The following PRSS22 variants were observed in gnomAD, a reference collection of about 807,000 sequenced individuals.
PRSS22 encodes the protein brain-specific serine protease 4.
In PRSS22, 26 loss-of-function variants were observed where a neutral mutation model predicts 28.0. The observed-to-expected ratio is 0.93, with a 90% confidence interval of 0.68 to 1.29. PRSS22 has a LOEUF of 1.29. Ranked by LOEUF, PRSS22 falls within the 50% of genes most tolerant of loss-of-function variation. The pLI, the probability that PRSS22 is intolerant of heterozygous loss-of-function variation, is 0.00. For missense variants in PRSS22, 444 were observed against 422.1 expected, an observed-to-expected ratio of 1.05 and a Z score of -0.46; for synonymous variants, 217 against 177.9, an observed-to-expected ratio of 1.22 and a Z score of -1.75.
chr16:2,854,347 C>G (rs528619019), intron 4 of PRSS22: 13 of 253,172 alleles, frequency 5.1e-5, no homozygotes, highest in African/African-American at 2.8e-4. Flanking sequence ...AAGAAGTGTT[C>G]AATAAATGTC....
At chr16:2,857,881 G>A (rs757868411) in intron 1 of PRSS22, 142 bp downstream of exon 1, 4 of 549,734 alleles carry the variant, frequency 7.3e-6, no homozygotes, top group Non-Finnish European at 1.1e-5. Context: ...GAGGCACAGA[G>A]CAGTTAAGGA....
chr16:2,856,128 G>C lies in PRSS22; in HGVS notation c.235C>G (p.Leu79Val). 2 of 1,614,006 alleles carry C rather than the reference G, an allele frequency of 1.2e-6. No homozygotes were observed. The highest frequency in any genetic ancestry group is 1.7e-6 in the Non-Finnish European group (2 of 1,179,988). Residue 79 changes from leucine (L) to valine (V), a missense_variant, in exon 3 of 6, where the codon CTG (leucine) becomes GTG (valine). Physicochemically the swap from Leu to Val is conservative, Grantham distance 32. Transcript: ENST00000161006. ...KNGTHHCAGS[L>V]LTSRWVITAA... ...GTGATCACCCAGCGGCTGGTGAGCAGAGAACCTGCGCAGTGGTGGGTCCCA... is the reference window on the plus strand; with the variant it reads ...GTGATCACCCAGCGGCTGGTGAGCACAGAACCTGCGCAGTGGTGGGTCCCA...
Position 2,856,826 on chromosome 16 carries a change from T to G in PRSS22, c.105A>C (p.Ile35=). 6.4e-7 allele frequency: 1 copy of G among 1,551,970 alleles called. No homozygotes were observed. The highest frequency in any genetic ancestry group is 8.7e-7 in the Non-Finnish European group (1 of 1,147,136). Reference sequence around the variant, plus strand: ...AGAGCTGCCAGCTCCACTCACCAGGTATCCTGGCCGCATTGAGGATGGCTG... The same window carrying G: ...AGAGCTGCCAGCTCCACTCACCAGGGATCCTGGCCGCATTGAGGATGGCTG... The part of the protein sequence containing the change: ...ASTAILNAAR[I]PVPPACGKPQ... Residue 35 remains isoleucine (I), a synonymous_variant, in exon 2 of 6, where the codon ATA becomes ATC. Coordinates refer to ENST00000161006, the MANE Select transcript of PRSS22 (RefSeq NM_022119.4).
rs1285948646 is a variant in PRSS22, at chr16:2,853,169, T to C, written c.878A>G (p.Gln293Arg). 6.3e-7 allele frequency: 1 copy of C among 1,599,148 alleles called. No individual in the cohort carries two copies. The highest frequency in any genetic ancestry group is 1.7e-5 in the Admixed American group (1 of 59,976). The change falls in exon 6 of 6, where the codon CAG becomes CGG. Residue 293 changes from glutamine (Q) to arginine (R), a missense_variant. By Grantham distance (43) the Gln-to-Arg change is conservative. Transcript: ENST00000161006. This position sits in a 1 kb window ranked among gnomAD's most constrained non-coding sequence, Gnocchi z 4.6. ...ACCCCCCTGAGCGCGCCCGCGGAGC[T>C]GCACCCCTTGCACGATCTTCTCCAC... ...SWVEKIVQGV[Q>R]LRGRAQGGGA...
intron 4 of PRSS22, chr16:2,854,446 T>C (rs1196533763): frequency 5.7e-6 from 1 of 174,806 alleles, no homozygotes. Context: ...GATTGTGGAC[T>C]GAAAGTCCGC....
Position 2,855,679 on chromosome 16 carries a change from G to A in PRSS22, c.454C>T (p.Gln152Ter). The A allele has an allele frequency of 6.2e-7, 1 of 1,614,216 alleles. No homozygotes were observed. Among genetic ancestry groups the A allele is most frequent in the Non-Finnish European group, 8.5e-7 (1 of 1,180,048 alleles). ...IALVRLERSI[Q>*]FSERVLPICL... is the part of the protein sequence containing the mutation. ...ATGGGCAGGACCCGCTCTGAGAACT[G>A]TATGGAGCGCTCGAGACGCACCAGG... The change falls in exon 4 of 6, where the codon CAG (glutamine) becomes TAG (stop). Residue 152 changes from glutamine (Q) to a stop codon, truncating the protein, a stop_gained. Transcript: ENST00000161006. LOFTEE classifies it high-confidence loss of function.
In PRSS22 at chr16:2,853,761, G is replaced by C; in HGVS notation, c.717+104C>G. On this transcript the variant is annotated intron_variant, in intron 5 of 5. Transcript: ENST00000161006. This position sits in a 1 kb window ranked among gnomAD's most constrained non-coding sequence, Gnocchi z 4.6. ...GACTGTCAGGCACAGCCAGTTCTGG[G>C]GAGGAGGCCAGGGAGAGGTTGTGGG... 7.5e-7 allele frequency: 1 copy of C among 1,325,794 alleles called. No individual in the cohort carries two copies. The highest frequency in any genetic ancestry group is 2.4e-5 in the East Asian group (1 of 42,012). 82.1% of individuals were successfully genotyped at this position (1,325,794 alleles called of 1,614,324 possible). A position where few individuals can be genotyped will look rare whatever the true frequency, so the allele number is the denominator to read the frequency against.
In PRSS22 at chr16:2,853,071, G is replaced by A. The variant is rs1596325049; in HGVS notation, c.*22C>T. The A allele has an allele frequency of 6.7e-7, 1 of 1,490,646 alleles. No homozygotes were observed. Among genetic ancestry groups the A allele is most frequent in the East Asian group, 2.3e-5 (1 of 42,866 alleles). The allele number at this position is 1,490,646 out of a possible 1,614,324, so 92.3% of individuals were successfully genotyped here. A position where few individuals can be genotyped will look rare whatever the true frequency, so the allele number is the denominator to read the frequency against. On this transcript the variant is annotated 3_prime_UTR_variant, in exon 6 of 6. Coordinates refer to ENST00000161006, the MANE Select transcript of PRSS22 (RefSeq NM_022119.4). The surrounding 1 kb of genome is among the most constrained non-coding windows in gnomAD (Gnocchi z 4.6). The stretch of plus-strand genomic sequence containing the variant: ...GTGGATCTGGCCGCCTTTCAGATCC[G>A]AGCCCCGCGTCCCGCTGCGCCCTAG...
At chr16:2,855,539 T>G in intron 4 of PRSS22, 35 bp downstream of exon 4, 1 of 1,611,428 alleles carries the variant, frequency 6.2e-7, no homozygotes, top group Non-Finnish European at 8.5e-7. Context: ...TGTCCCCATC[T>G]GCCCCCAACC....
Position 2,856,231 on chromosome 16 carries a change from G to C in PRSS22, c.132C>G (p.Pro44=), listed in dbSNP as rs149331401. ...RIPVPPACGK[P]QQLNRVVGGE... is the part of the protein sequence containing the mutation. ...CGCCCACAACCCGGTTCAGCTGCTG[G>C]GGCTTCCCACAGGCTGGGGGAACTG... The change falls in exon 3 of 6, where the codon CCC becomes CCG. Residue 44 remains proline (P), a synonymous_variant. Coordinates refer to ENST00000161006, the MANE Select transcript of PRSS22 (RefSeq NM_022119.4). 36 of 1,613,378 alleles carry C rather than the reference G, an allele frequency of 2.2e-5. No individual in the cohort carries two copies. In the African/African-American group the frequency reaches 4.4e-4, roughly 20 times the overall value.
rs2069455316 is a variant in PRSS22 at position 2,856,232 on chromosome 16, G to A, written c.131C>T (p.Pro44Leu). The A allele has an allele frequency of 1.2e-6, 2 of 1,613,346 alleles. No homozygotes were observed. The highest frequency in any genetic ancestry group is 1.7e-6 in the Non-Finnish European group (2 of 1,179,882). Residue 44 changes from proline to leucine, a missense_variant, in exon 3 of 6, where the codon CCC becomes CTC. Coordinates refer to ENST00000161006, the MANE Select transcript of PRSS22 (RefSeq NM_022119.4). ...RIPVPPACGK[P>L]QQLNRVVGGE... is the part of the protein sequence containing the mutation. ...GCCCACAACCCGGTTCAGCTGCTGG[G>A]GCTTCCCACAGGCTGGGGGAACTGG...
At chr16:2,856,575 C>A (rs1046215499) in intron 2 of PRSS22, among the ~76,000 whole-genome samples, 3 of 152,050 alleles carry the variant, frequency 2.0e-5, no homozygotes, top group African/African-American at 7.2e-5. Context: ...TCTCTCCCTC[C>A]CCCTCTTTCC....
In PRSS22 at chr16:2,853,782, G is replaced by C. The variant is rs2069428728; in HGVS notation, c.717+83C>G. The stretch of plus-strand genomic sequence containing the variant: ...CTGGGGAGGAGGCCAGGGAGAGGTT[G>C]TGGGGCTCAGTGGGGACAGGACTGA... On this transcript the variant is annotated intron_variant, in intron 5 of 5. Transcript: ENST00000161006. The surrounding 1 kb of genome is among the most constrained non-coding windows in gnomAD (Gnocchi z 4.6). 8.1e-5 allele frequency: 121 copies of C among 1,494,378 alleles called. 3 individuals are homozygous for C. In the South Asian group the frequency reaches 1.4e-3, roughly 18 times the overall value. 92.6% of individuals were successfully genotyped at this position (1,494,378 alleles called of 1,614,324 possible).
Position 2,855,746 on chromosome 16 carries a change from G to T in PRSS22, c.387C>A (p.His129Gln), listed in dbSNP as rs778303768. Residue 129 changes from histidine to glutamine, a missense_variant, in exon 4 of 6, where the codon CAC becomes CAA. His to Gln is a conservative substitution (Grantham distance 24). Coordinates refer to ENST00000161006, the MANE Select transcript of PRSS22 (RefSeq NM_022119.4). ...CACCTTCCTTCCAGGAATACACAGG[G>T]TGGGGCTCCACCCAGGCAACACCCA... ...QKVGVAWVEP[H>Q]PVYSWKEGAC... 2.5e-6 allele frequency: 4 copies of T among 1,614,080 alleles called. No individual in the cohort carries two copies. The highest frequency in any genetic ancestry group is 1.3e-5 in the African/African-American group (1 of 74,934).
Position 2,858,121 on chromosome 16 carries a change from G to GAGCAGGC in PRSS22, c.-24_-18dup. ...AACCACCATGGCTGGTGGGGCGGGGGAGCAGGCAGCAGGCTCGAGAGACCC... is the reference window on the plus strand; with the variant it reads ...AACCACCATGGCTGGTGGGGCGGGGGAGCAGGCAGCAGGCAGCAGGCTCGAGAGACCC... On this transcript the variant is annotated 5_prime_UTR_variant, in exon 1 of 6. Coordinates refer to ENST00000161006, the MANE Select transcript of PRSS22 (RefSeq NM_022119.4). 3 of 1,258,134 alleles carry GAGCAGGC rather than the reference G, an allele frequency of 2.4e-6. No homozygotes were observed. The highest frequency in any genetic ancestry group is 3.0e-6 in the Non-Finnish European group (3 of 994,390). The allele number at this position is 1,258,134 out of a possible 1,614,324, so 77.9% of individuals were successfully genotyped here. A position where few individuals can be genotyped will look rare whatever the true frequency, so the allele number is the denominator to read the frequency against.
rs2069428198 is a variant in PRSS22, at chr16:2,853,715, G to T, written c.717+150C>A. 1.2e-6 allele frequency: 1 copy of T among 820,380 alleles called. No individual in the cohort carries two copies. Among genetic ancestry groups the T allele is most frequent in the South Asian group, 1.8e-5 (1 of 56,278 alleles). 50.8% of individuals were successfully genotyped at this position (820,380 alleles called of 1,614,324 possible). A position where few individuals can be genotyped will look rare whatever the true frequency, so the allele number is the denominator to read the frequency against. Reference sequence around the variant, plus strand: ...AAGTGAGTGGCTGAGCCAGGCTGAGGCTGGTTCTATGGGGACCCGGGACTG... The same window carrying T: ...AAGTGAGTGGCTGAGCCAGGCTGAGTCTGGTTCTATGGGGACCCGGGACTG... On this transcript the variant is annotated intron_variant, in intron 5 of 5. Coordinates refer to ENST00000161006, the MANE Select transcript of PRSS22 (RefSeq NM_022119.4). This position sits in a 1 kb window ranked among gnomAD's most constrained non-coding sequence, Gnocchi z 4.6.
At chr16:2,856,468 G>A (rs528389653) in intron 2 of PRSS22, among the ~76,000 whole-genome samples, 5 of 148,138 alleles carry the variant, frequency 3.4e-5, no homozygotes, top group South Asian at 2.2e-4. Context: ...CCCAAGCTCC[G>A]CCCACCTCCC....
chr16:2,856,240 A>G lies in PRSS22; in HGVS notation c.123T>C (p.Cys41=). ...NAARIPVPPA[C]GKPQQLNRVV... is the part of the protein sequence containing the mutation. The stretch of plus-strand genomic sequence containing the variant: ...CCCGGTTCAGCTGCTGGGGCTTCCC[A>G]CAGGCTGGGGGAACTGGAGGGTACG... Residue 41 remains cysteine, a synonymous_variant, in exon 3 of 6, where the codon TGT becomes TGC. Coordinates refer to ENST00000161006, the MANE Select transcript of PRSS22 (RefSeq NM_022119.4). 6.2e-7 allele frequency: 1 copy of G among 1,613,476 alleles called. No homozygotes were observed. The highest frequency in any genetic ancestry group is 8.5e-7 in the Non-Finnish European group (1 of 1,179,862).
At chr16:2,856,696 T>A in intron 2 of PRSS22, 126 bp downstream of exon 2, 1 of 1,116,338 alleles carries the variant, frequency 9.0e-7, no homozygotes, top group Non-Finnish European at 1.3e-6. Flanking sequence ...TCCCTTCCCC[T>A]CTAGCTCTTT....
Sources: allele counts gnomAD v4.1 joint callset (sites outside exome capture counted in the v4.1 genomes callset), GRCh38; gene constraint gnomAD v4.1.1; non-coding constraint Gnocchi (gnomAD v3.1); transcripts MANE v1.5; gene names NCBI Gene and HGNC (gene_info 2026-07-23, HGNC 2026-07-21).